SMARCA4: variants seen among roughly 807,000 people sequenced by gnomAD.
SMARCA4 encodes the protein SWI/SNF-related matrix-associated actin-dependent regulator of chromatin subfamily A member 4.
A neutral mutation model predicts 193.9 loss-of-function variants in SMARCA4; 31 were observed. That is an observed-to-expected ratio of 0.16 (90% CI 0.12 to 0.22). The LOEUF (loss-of-function observed/expected upper bound fraction) is 0.22, where lower values mean the gene tolerates loss of function less well. SMARCA4 is among the 10% of genes least tolerant of loss of function. SMARCA4 has a pLI of 1.00. For synonymous variants in SMARCA4, 942 were observed against 933.1 expected, an observed-to-expected ratio of 1.01 and a Z score of -0.17; for missense variants, 1,148 against 2,296.0, an observed-to-expected ratio of 0.50 and a Z score of 10.22.
rs1377250142 is a variant in SMARCA4, at chr19:10,994,833, C to T, written c.1425C>T (p.Tyr475=). Residue 475 remains tyrosine, a synonymous_variant, in exon 9 of 35, where the codon TAC becomes TAT. Transcript: ENST00000344626. ...ERKRRQKHQE[Y]LNSILQHAKD... ...TCTTTTGTGCTTTCCTGCAGGAATA[C>T]CTCAATAGCATTCTCCAGCATGCCA... 4.3e-6 allele frequency: 7 copies of T among 1,613,912 alleles called. No individual in the cohort carries two copies. Among genetic ancestry groups the T allele is most frequent in the Non-Finnish European group, 5.1e-6 (6 of 1,179,830 alleles).
intron 22 of SMARCA4, 118 bp from the exon 23 acceptor site, chr19:11,026,182 G>T (rs908682630): frequency 1.2e-4 from 103 of 833,794 alleles, no homozygotes; most frequent in Non-Finnish European, 9.5e-5. Flanking sequence ...CCGTGGGCCC[G>T]TGCCGAGCAC....
intron 14 of SMARCA4, among the ~76,000 whole-genome samples, chr19:11,009,326 A>G (rs1276717754): frequency 3.3e-5 from 5 of 151,816 alleles, no homozygotes; most frequent in Non-Finnish European, 4.4e-5. Flanking sequence ...GGCCAGAGTT[A>G]CTTTTTAAAA....
At chr19:11,036,459 G>T (rs2075275721) in intron 29 of SMARCA4, among the ~76,000 whole-genome samples, 2 of 152,050 alleles carry the variant, frequency 1.3e-5, no homozygotes, top group Admixed American at 1.3e-4. Context: ...GGGTCTCACT[G>T]TGTCACTCAG....
rs2090254973 is a variant in SMARCA4 at position 11,026,331 on chromosome 19, G to A, written c.3200G>A (p.Gly1067Asp). 6.2e-7 allele frequency: 1 copy of A among 1,613,930 alleles called. No individual in the cohort carries two copies. Among genetic ancestry groups the A allele is most frequent in the Non-Finnish European group, 8.5e-7 (1 of 1,179,930 alleles). The part of the protein sequence containing the change: ...ESFSEHLGFT[G>D]GIVQGLDLYR... ...TTTTCCGAGCACTTGGGGTTCACTG[G>A]CGGCATTGTCCAAGGGTGAGAAGCT... Residue 1067 changes from glycine to aspartate, a missense_variant, in exon 23 of 35, where the codon GGC (glycine) becomes GAC (aspartate). Transcript: ENST00000344626.
rs142750187 is a variant in SMARCA4 at position 11,061,842 on chromosome 19, G to T, written c.*26G>T. The T allele has an allele frequency of 1.2e-6, 2 of 1,612,630 alleles. No individual in the cohort carries two copies. Among genetic ancestry groups the T allele is most frequent in the Non-Finnish European group, 1.7e-6 (2 of 1,178,758 alleles). On this transcript the variant is annotated 3_prime_UTR_variant, in exon 35 of 35. Coordinates refer to ENST00000344626, the MANE Select transcript of SMARCA4 (RefSeq NM_003072.5). ...GCCCCGACATTCCAGTCTCGACCCCGAGCCCCTCGTTCCAGAGCTGAGATG... is the reference window on the plus strand; with the variant it reads ...GCCCCGACATTCCAGTCTCGACCCCTAGCCCCTCGTTCCAGAGCTGAGATG...
intron 11 of SMARCA4, among the ~76,000 whole-genome samples, chr19:11,000,556 C>G (rs2087533571): frequency 6.6e-6 from 1 of 151,544 alleles, no homozygotes. Flanking sequence ...AGTTCTGTCT[C>G]ACAGTTCTGA....
Position 11,041,409 on chromosome 19 carries a change from A to T in SMARCA4, c.4273A>T (p.Thr1425Ser), listed in dbSNP as rs1060502082. The change falls in exon 30 of 35, where the codon ACC becomes TCC. Residue 1425 changes from threonine to serine, a missense_variant. Around this residue, in one of 17 missense-constraint regions of SMARCA4, gnomAD observed 141 missense variants for 193.0 expected, o/e 0.73. Coordinates refer to ENST00000344626, the MANE Select transcript of SMARCA4 (RefSeq NM_003072.5). The surrounding 1 kb of genome is among the most constrained non-coding windows in gnomAD (Gnocchi z 5.6). Reference sequence around the variant, plus strand: ...CAGCGACGCCGGCTCCTCCACCCCGACCACCAGCACCCGCAGCCGCGACAA... The same window carrying T: ...CAGCGACGCCGGCTCCTCCACCCCGTCCACCAGCACCCGCAGCCGCGACAA... The part of the protein sequence containing the change: ...RDSDAGSSTP[T>S]TSTRSRDKDD... 2.9e-5 allele frequency: 47 copies of T among 1,612,162 alleles called. No homozygotes were observed. The highest frequency in any genetic ancestry group is 3.9e-5 in the Non-Finnish European group (46 of 1,179,920).
rs529838158 is a variant in SMARCA4, at chr19:11,016,171, G to A, written c.2439-2786G>A. Reference sequence around the variant, plus strand: ...AGGAGGCGAGGGAGGCGGGGGTGCCGGGCTCCTTTTAACCATAGCTCCCAC... The same window carrying A: ...AGGAGGCGAGGGAGGCGGGGGTGCCAGGCTCCTTTTAACCATAGCTCCCAC... On this transcript the variant is annotated intron_variant, in intron 16 of 34. Transcript: ENST00000344626. Among the ~76,000 whole-genome samples the A allele has an allele frequency of 2.0e-5, 3 of 151,960 alleles. No individual in the cohort carries two copies. The East Asian group carries it at 5.8e-4, about 29-fold the overall frequency.
Position 11,033,905 on chromosome 19 carries a change from C to T in SMARCA4, c.3873+40C>T, listed in dbSNP as rs1213370025. On this transcript the variant is annotated intron_variant, in intron 27 of 34. Coordinates refer to ENST00000344626, the MANE Select transcript of SMARCA4 (RefSeq NM_003072.5). This position sits in a 1 kb window ranked among gnomAD's most constrained non-coding sequence, Gnocchi z 9.8. ...TCAGTCTCCATGCCCATTCAATCCTCGGCTTCTCGGCTGAGACGGCCAGCA... is the reference window on the plus strand; with the variant it reads ...TCAGTCTCCATGCCCATTCAATCCTTGGCTTCTCGGCTGAGACGGCCAGCA... The T allele has an allele frequency of 1.0e-5, 8 of 767,392 alleles. No homozygotes were observed. The highest frequency in any genetic ancestry group is 7.3e-5 in the East Asian group (3 of 40,994). The allele number at this position is 767,392 out of a possible 1,614,324, so 47.5% of individuals were successfully genotyped here. A position where few individuals can be genotyped will look rare whatever the true frequency, so the allele number is the denominator to read the frequency against.
At chr19:11,038,101 T>A (rs1424693737) in intron 29 of SMARCA4, among the ~76,000 whole-genome samples, 4 of 152,152 alleles carry the variant, frequency 2.6e-5, no homozygotes, top group Admixed American at 2.6e-4. Flanking sequence ...GCAACAGAAC[T>A]ATTTTCTCTG....
At chr19:11,020,364 T>C (rs567188943) in intron 18 of SMARCA4, among the ~76,000 whole-genome samples, 6 of 152,028 alleles carry the variant, frequency 3.9e-5, no homozygotes, top group Non-Finnish European at 7.4e-5. Flanking sequence ...GTCTCACCCC[T>C]AAACATCCAG....
Position 11,033,280 on chromosome 19 carries a change from C to G in SMARCA4, c.3547-10C>G. On this transcript the variant is annotated splice_polypyrimidine_tract_variant and intron_variant, in intron 25 of 34. Transcript: ENST00000344626. This position sits in a 1 kb window ranked among gnomAD's most constrained non-coding sequence, Gnocchi z 9.8. ...GCTCCTTTGGGACTGACTGGCACCTCTTCCCCCAGGACCTGCAAGCGCAGG... is the reference window on the plus strand; with the variant it reads ...GCTCCTTTGGGACTGACTGGCACCTGTTCCCCCAGGACCTGCAAGCGCAGG... The G allele has an allele frequency of 2.5e-6, 4 of 1,610,176 alleles. No individual in the cohort carries two copies. Among genetic ancestry groups the G allele is most frequent in the Non-Finnish European group, 3.4e-6 (4 of 1,177,610 alleles).
Position 11,018,951 on chromosome 19 carries a change from C to T in SMARCA4, c.2439-6C>T, listed in dbSNP as rs186572816. Reference sequence around the variant, plus strand: ...GCACTTGACTCTCATTTCCTTGTTCCATCAGAACGCTGTCCAACTGGGCGT... The same window carrying T: ...GCACTTGACTCTCATTTCCTTGTTCTATCAGAACGCTGTCCAACTGGGCGT... On this transcript the variant is annotated splice_polypyrimidine_tract_variant and splice_region_variant and intron_variant, in intron 16 of 34. Coordinates refer to ENST00000344626, the MANE Select transcript of SMARCA4 (RefSeq NM_003072.5). The T allele has an allele frequency of 1.9e-6, 3 of 1,613,012 alleles. No homozygotes were observed. The highest frequency in any genetic ancestry group is 2.7e-5 in the African/African-American group (2 of 75,046).
chr19:11,047,523 C>G (rs2076013878), intron 30 of SMARCA4: 1 of 152,086 alleles, frequency 6.6e-6, no homozygotes, highest in Non-Finnish European at 1.5e-5. Flanking sequence ...ATTCTTCTGC[C>G]TCAGCCTCCT....
At chr19:11,043,135 A>T (rs911684565) in intron 30 of SMARCA4, among the ~76,000 whole-genome samples, 3 of 152,044 alleles carry the variant, frequency 2.0e-5, no homozygotes, top group African/African-American at 7.2e-5. Context: ...TACTAAAACT[A>T]CAAAAATTCG....
intron 1 of SMARCA4, among the ~76,000 whole-genome samples, chr19:10,964,332 C>T (rs149415463): frequency 1.4e-4 from 21 of 151,454 alleles, no homozygotes; most frequent in South Asian, 4.2e-4. Context: ...TTTTTTGAGA[C>T]GGAATCTTAC....
chr19:11,013,926 C>T (rs1220107935), intron 16 of SMARCA4, among the ~76,000 whole-genome samples: 2 of 152,130 alleles, frequency 1.3e-5, no homozygotes, highest in Non-Finnish European at 2.9e-5. Context: ...CCCCCCTGCC[C>T]ACCTCTCTCG....
chr19:11,030,282 T>C lies in SMARCA4; in HGVS notation c.3383-448T>C, dbSNP rs1326005490. On this transcript the variant is annotated intron_variant, in intron 24 of 34. Transcript: ENST00000344626. This position sits in a 1 kb window ranked among gnomAD's most constrained non-coding sequence, Gnocchi z 5.5. Reference sequence around the variant, plus strand: ...TGAAGGCAGGTGCACCCACAGTCACTGTCCACCCACCCCCAGGTCCCTTGT... The same window carrying C: ...TGAAGGCAGGTGCACCCACAGTCACCGTCCACCCACCCCCAGGTCCCTTGT... Among the ~76,000 whole-genome samples the C allele has an allele frequency of 6.6e-6, 1 of 152,218 alleles. No homozygotes were observed. The highest frequency in any genetic ancestry group is 2.4e-5 in the African/African-American group (1 of 41,474).
intron 1 of SMARCA4, among the ~76,000 whole-genome samples, chr19:10,965,980 T>TG (rs2084185285): frequency 7.2e-6 from 1 of 138,750 alleles, no homozygotes; most frequent in Non-Finnish European, 1.6e-5. Context: ...GTTTTTTTTT[T>TG]TTTTTTTTTT....
Sources: gnomAD v4.1 joint callset for allele counts (sites outside exome capture counted in the v4.1 genomes callset) on GRCh38, gnomAD v4.1.1 for gene constraint, gnomAD v4.1.1 regional missense constraint, Gnocchi (gnomAD v3.1) non-coding constraint, MANE v1.5 for transcripts, NCBI Gene and HGNC (gene_info 2026-07-23, HGNC 2026-07-21) for gene names.